The following FGF13 variants were observed in gnomAD, a reference collection of about 807,000 sequenced individuals.
FGF13 encodes fibroblast growth factor homologous factor 2.
FGF13 carries 2 observed loss-of-function variants against 19.5 expected under a neutral mutation model. That is an observed-to-expected ratio of 0.10 (90% CI 0.04 to 0.32). The LOEUF (loss-of-function observed/expected upper bound fraction) is 0.32, where lower values mean the gene tolerates loss of function less well. FGF13 is among the 10% of genes least tolerant of loss of function. The probability of loss-of-function intolerance (pLI) is 1.00; values close to 1 mark genes in which losing one functional copy is unlikely to be tolerated. For missense variants in FGF13, 113 were observed against 192.7 expected, an observed-to-expected ratio of 0.59 and a Z score of 2.45; for synonymous variants, 72 against 76.9, an observed-to-expected ratio of 0.94 and a Z score of 0.33.
chrX:139,064,281 C>CTT (rs139084376), intron 1 of FGF13, among the ~76,000 whole-genome samples: 40 of 23,160 alleles, frequency 1.7e-3, no homozygotes, highest in East Asian at 2.7e-3. Context: ...CTTTTTTTTT[C>CTT]TTTTTTTTTT....
At chrX:138,967,620 G>A (rs768433236) in intron 1 of FGF13, among the ~76,000 whole-genome samples, 1 of 110,940 alleles carries the variant, frequency 9.0e-6, no homozygotes, top group South Asian at 3.9e-4. Flanking sequence ...AAGACACCAG[G>A]GAAATCAACA....
At chrX:138,891,931 A>T (rs2091479159) in intron 1 of FGF13, among the ~76,000 whole-genome samples, 1 of 109,497 alleles carries the variant, frequency 9.1e-6, no homozygotes, top group Admixed American at 9.8e-5. Context: ...CAGATGGCCT[A>T]TTGTGAGATC....
At position 139,178,211 on chromosome X, in the gene FGF13, A is replaced by C. The variant is rs143106295; in HGVS notation, c.-113+25205T>G. On this transcript the variant is annotated intron_variant, in intron 1 of 2. Coordinates refer to the FGF13 transcript ENST00000421460. ...GTTCTGAAGAGCAAGCAATAAGATC[A>C]ATGGAAATTACTTCTAGAAGCTATA... Among the ~76,000 whole-genome samples, 509 of 112,458 alleles carry C rather than the reference A, an allele frequency of 4.5e-3. 2 individuals carry two copies. Among genetic ancestry groups the C allele is most frequent in the African/African-American group, 0.016 (492 of 30,933 alleles).
upstream of FGF13, among the ~76,000 whole-genome samples, chrX:138,743,077 C>T (rs184589003): frequency 1.8e-5 from 2 of 111,508 alleles, no homozygotes; most frequent in East Asian, 5.7e-4. Flanking sequence ...AATATCCACA[C>T]AAAAACCTGC....
chrX:138,978,935 AATG>A lies in FGF13; in HGVS notation c.-112-114288_-112-114286del, dbSNP rs764050026. ...GTAAATAGTAAACTATTCCAAAAAA[AATG>A]ATAAGCATCAAGAGATTTAGGCCCC... On this transcript the variant is annotated intron_variant, in intron 1 of 2. Coordinates refer to the FGF13 transcript ENST00000421460. Among the ~76,000 whole-genome samples, 211 of 112,477 alleles carry A rather than the reference AATG, an allele frequency of 1.9e-3. 1 individual carries two copies. The highest frequency in any genetic ancestry group is 2.8e-3 in the Non-Finnish European group (147 of 53,314).
intron 1 of FGF13, among the ~76,000 whole-genome samples, chrX:138,992,748 T>C: frequency 8.9e-6 from 1 of 112,093 alleles, no homozygotes. Flanking sequence ...AAAGTGATTA[T>C]TGTAGTTAAG....
At chrX:139,178,817 CCT>C (rs1195670218) in intron 1 of FGF13, among the ~76,000 whole-genome samples, 1 of 111,849 alleles carries the variant, frequency 8.9e-6, no homozygotes, top group African/African-American at 3.2e-5. Flanking sequence ...TTTCTTTTTT[CCT>C]CTCTGTCACA....
intron 1 of FGF13, among the ~76,000 whole-genome samples, chrX:138,737,272 C>T (rs1267020127): frequency 1.8e-5 from 2 of 111,670 alleles, no homozygotes; most frequent in South Asian, 7.6e-4. Context: ...AGTGTTTTCC[C>T]GTATGAAGGC....
intron 3 of FGF13, among the ~76,000 whole-genome samples, chrX:138,825,778 G>C (rs1185252306): frequency 8.9e-6 from 1 of 112,019 alleles, no homozygotes; most frequent in Non-Finnish European, 1.9e-5. Context: ...CTCACTCTTA[G>C]CTCATGAAGA....
At chrX:139,035,421 T>C (rs2092247487) in intron 1 of FGF13, among the ~76,000 whole-genome samples, 2 of 111,591 alleles carry the variant, frequency 1.8e-5, no homozygotes, top group African/African-American at 6.5e-5. Context: ...AGTGGGGCCA[T>C]GCATTCATGC....
intron 1 of FGF13, among the ~76,000 whole-genome samples, chrX:139,096,112 C>T (rs749607460): frequency 5.4e-5 from 6 of 111,727 alleles, no homozygotes; most frequent in Non-Finnish European, 7.5e-5. Flanking sequence ...TAGTCCCCTG[C>T]TAAGTGTTTA....
At chrX:138,917,048 A>C (rs2124236419) in intron 1 of FGF13, among the ~76,000 whole-genome samples, 1 of 111,907 alleles carries the variant, frequency 8.9e-6, no homozygotes, top group South Asian at 3.8e-4. Context: ...TAACTATGTA[A>C]GTGGGTTCAT....
chrX:138,819,954 C>T (rs1044793368), intron 3 of FGF13, among the ~76,000 whole-genome samples: 3 of 111,013 alleles, frequency 2.7e-5, no homozygotes, highest in Non-Finnish European at 5.7e-5. Flanking sequence ...CCAATTAGAC[C>T]AAAGATCAAG....
intron 3 of FGF13, among the ~76,000 whole-genome samples, chrX:138,692,018 G>T (rs760994735): frequency 1.8e-5 from 2 of 111,623 alleles, no homozygotes; most frequent in Non-Finnish European, 3.8e-5. Flanking sequence ...TTTAAGTGGT[G>T]TAGTCACTGA....
chrX:138,742,702 C>A (rs2090328054), upstream of FGF13, among the ~76,000 whole-genome samples: 1 of 112,031 alleles, frequency 8.9e-6, no homozygotes, highest in South Asian at 3.8e-4. Flanking sequence ...AAGCTTCCTG[C>A]CTTCCTGGAG....
chrX:139,070,440 G>T (rs1014917927), intron 1 of FGF13, among the ~76,000 whole-genome samples: 1 of 112,181 alleles, frequency 8.9e-6, no homozygotes, highest in Non-Finnish European at 1.9e-5. Flanking sequence ...ACCATCTCAC[G>T]CCAGTTAGAA....
chrX:138,906,805 C>T (rs185258176), intron 1 of FGF13, among the ~76,000 whole-genome samples: 13 of 110,960 alleles, frequency 1.2e-4, no homozygotes, highest in African/African-American at 3.3e-4. Flanking sequence ...ATCTCCTTTC[C>T]CCAGCGTTCA....
chrX:139,001,852 G>A (rs998847707), intron 1 of FGF13, among the ~76,000 whole-genome samples: 11 of 111,567 alleles, frequency 9.9e-5, no homozygotes, highest in Non-Finnish European at 1.5e-4. Flanking sequence ...TATACCCAAA[G>A]GATTATAAAT....
intron 1 of FGF13, among the ~76,000 whole-genome samples, chrX:139,112,971 AGTGTGTGTGTGT>A (rs748975156): frequency 0.024 from 2,135 of 87,715 alleles, 23 homozygotes; most frequent in East Asian, 0.073. Flanking sequence ...TTGATTATGT[AGTGTGTGTGTGT>A]GTGTGTGTGT....
Sources: gnomAD v4.1 joint callset for allele counts (sites outside exome capture counted in the v4.1 genomes callset) on GRCh38, gnomAD v4.1.1 for gene constraint, MANE v1.5 for transcripts, NCBI Gene and HGNC (gene_info 2026-07-23, HGNC 2026-07-21) for gene names.